Variants in ACKR3 observed in about 807,000 individuals in gnomAD.
ACKR3 encodes the protein C-X-C chemokine receptor type 7.
In ACKR3, 6 loss-of-function variants were observed where a neutral mutation model predicts 22.4. The observed-to-expected ratio is 0.27, with a 90% confidence interval of 0.15 to 0.53. The LOEUF (loss-of-function observed/expected upper bound fraction) is 0.53. Among genes scored for constraint, ACKR3 ranks in the 20% least tolerant of loss-of-function variants. ACKR3 has a pLI of 0.96. For synonymous variants in ACKR3, 209 were observed against 205.2 expected (o/e 1.02, Z -0.16); for missense variants, 396 against 475.2 (o/e 0.83, Z 1.55).
chr2:236,566,968 TTCTTTCC>T, upstream of ACKR3, among the ~76,000 whole-genome samples: 1 of 150,542 alleles, frequency 6.6e-6, no homozygotes, highest in African/African-American at 2.5e-5. Context: ...CCTTCCTTCC[TTCTTTCC>T]TTCCTTCCTA....
At chr2:236,573,637 G>A (rs1011845837) in intron 1 of ACKR3, among the ~76,000 whole-genome samples, 9 of 152,320 alleles carry the variant, frequency 5.9e-5, no homozygotes, top group Admixed American at 5.9e-4. Flanking sequence ...AGCTGGTCCC[G>A]GGGCCCCAGG....
the ACKR3 span, among the ~76,000 whole-genome samples, chr2:236,549,931 C>T: frequency 7.9e-5 from 12 of 152,130 alleles, no homozygotes; most frequent in East Asian, 1.9e-4. The surrounding 1 kb of genome is among the most constrained non-coding windows in gnomAD (Gnocchi z 5.3). Context: ...TCTAATGTGA[C>T]GGAGGGAATT....
At chr2:236,578,753 G>A (rs1257274307) in intron 1 of ACKR3, among the ~76,000 whole-genome samples, 1 of 152,208 alleles carries the variant, frequency 6.6e-6, no homozygotes, top group Admixed American at 6.5e-5. Context: ...TCCCAAAGGA[G>A]AAGCCCATCA....
the ACKR3 span, among the ~76,000 whole-genome samples, chr2:236,537,892 C>A: frequency 6.6e-6 from 1 of 152,086 alleles, no homozygotes; most frequent in African/African-American, 2.4e-5. Context: ...CTCTTTCAAG[C>A]AAGCAAGCAA....
At chr2:236,539,317 T>G in the ACKR3 span, among the ~76,000 whole-genome samples, 3 of 145,422 alleles carry the variant, frequency 2.1e-5, no homozygotes, top group Non-Finnish European at 4.5e-5. Flanking sequence ...TTTTTTTTTT[T>G]TTTTTTTGTT....
the ACKR3 span, among the ~76,000 whole-genome samples, chr2:236,546,459 T>C: frequency 6.6e-6 from 1 of 152,220 alleles, no homozygotes; most frequent in African/African-American, 2.4e-5. The surrounding 1 kb of genome is among the most constrained non-coding windows in gnomAD (Gnocchi z 4.9). Context: ...ATAAAATTTG[T>C]TGTCAGTTTT....
chr2:236,541,446 T>G, the ACKR3 span, among the ~76,000 whole-genome samples: 4 of 152,222 alleles, frequency 2.6e-5, no homozygotes. Flanking sequence ...CTTTCTCTCC[T>G]TCTCAGAAAT....
rs537952167 is a variant in ACKR3, at chr2:236,577,173, G to A, written c.-26-3267G>A. 3.3e-5 allele frequency among the ~76,000 whole-genome samples: 5 copies of A among 152,238 alleles called. No individual in the cohort carries two copies. The highest frequency in any genetic ancestry group is 4.8e-5 in the African/African-American group (2 of 41,538). On this transcript the variant is annotated intron_variant, in intron 1 of 1. Transcript: ENST00000272928. The surrounding 1 kb of genome is among the most constrained non-coding windows in gnomAD (Gnocchi z 5.6). The stretch of plus-strand genomic sequence containing the variant: ...GAGTGATGATAGGTGGCCGGTGATC[G>A]GTGGGGCAGTGAGGAGCTCCAGCCT...
At chr2:236,570,252 A>G (rs1278913946) in intron 1 of ACKR3, among the ~76,000 whole-genome samples, 4 of 152,216 alleles carry the variant, frequency 2.6e-5, no homozygotes, top group Non-Finnish European at 4.4e-5. Context: ...GAACTTTGCA[A>G]GAACACAGAC....
At chr2:236,543,472 C>T in the ACKR3 span, among the ~76,000 whole-genome samples, 1 of 152,162 alleles carries the variant, frequency 6.6e-6, no homozygotes, top group African/African-American at 2.4e-5. Flanking sequence ...TTTACCCACA[C>T]TGAGAGTATA....
Position 236,580,652 on chromosome 2 carries a change from T to C in ACKR3, c.187T>C (p.Ser63Pro). ...FIFVIGMIAN[S>P]VVVWVNIQAK... ...CTTCGTCATCGGCATGATTGCCAACTCCGTGGTGGTCTGGGTGAATATCCA... is the reference window on the plus strand; with the variant it reads ...CTTCGTCATCGGCATGATTGCCAACCCCGTGGTGGTCTGGGTGAATATCCA... The change falls in exon 2 of 2, where the codon TCC (serine) becomes CCC (proline). Residue 63 changes from serine (S) to proline (P), a missense_variant. Physicochemically the swap from Ser to Pro is moderately conservative, Grantham distance 74. Coordinates refer to ENST00000272928, the MANE Select transcript of ACKR3 (RefSeq NM_020311.3). 10 of 1,614,104 alleles carry C rather than the reference T, an allele frequency of 6.2e-6. No homozygotes were observed. The highest frequency in any genetic ancestry group is 7.6e-6 in the Non-Finnish European group (9 of 1,179,968).
At chr2:236,563,471 A>T (rs1306213100), upstream of ACKR3, among the ~76,000 whole-genome samples, 1 of 152,222 alleles carries the variant, frequency 6.6e-6, no homozygotes, top group Non-Finnish European at 1.5e-5. Flanking sequence ...AGTAACTAGG[A>T]TGGGAAGATT....
At chr2:236,566,718 CCCTTCCTTCCTTCCTT>C (rs747184505), upstream of ACKR3, among the ~76,000 whole-genome samples, 12 of 114,568 alleles carry the variant, frequency 1.0e-4, no homozygotes, top group East Asian at 7.9e-4. Context: ...TCCTTTCCTT[CCCTTCCTTCCTTCCTT>C]CCTTCCTTCC....
chr2:236,539,087 G>C, the ACKR3 span, among the ~76,000 whole-genome samples: 19 of 152,130 alleles, frequency 1.2e-4, no homozygotes, highest in African/African-American at 4.6e-4. Flanking sequence ...CCCTGTTGCT[G>C]CCTCTATTGT....
chr2:236,548,351 C>G, the ACKR3 span, among the ~76,000 whole-genome samples: 1 of 152,208 alleles, frequency 6.6e-6, no homozygotes, highest in Non-Finnish European at 1.5e-5. The surrounding 1 kb of genome is among the most constrained non-coding windows in gnomAD (Gnocchi z 4.3). Flanking sequence ...TGAAGGCCTA[C>G]TTTAAACTGA....
At chr2:236,554,693 CA>C in the ACKR3 span, among the ~76,000 whole-genome samples, 1 of 152,168 alleles carries the variant, frequency 6.6e-6, no homozygotes, top group South Asian at 2.1e-4. Flanking sequence ...GTCTGGCTGC[CA>C]TGCTCTGGGA....
rs958531454 is a variant in ACKR3, at chr2:236,580,634, A to G, written c.169A>G (p.Ile57Val). ...CTTCATTTACATTTTCATCTTCGTC[A>G]TCGGCATGATTGCCAACTCCGTGGT... ...LSFIYIFIFV[I>V]GMIANSVVVW... Residue 57 changes from isoleucine (I) to valine (V), a missense_variant, in exon 2 of 2, where the codon ATC becomes GTC. Physicochemically the swap from Ile to Val is conservative, Grantham distance 29 (BLOSUM62 3). Transcript: ENST00000272928. The G allele has an allele frequency of 5.6e-6, 9 of 1,613,832 alleles. No homozygotes were observed. In the African/African-American group the frequency reaches 9.3e-5, roughly 17 times the overall value.
intron 1 of ACKR3, among the ~76,000 whole-genome samples, chr2:236,579,836 AT>A (rs1255374132): frequency 6.6e-6 from 1 of 152,230 alleles, no homozygotes; most frequent in African/African-American, 2.4e-5. Context: ...CAGAGGCTTT[AT>A]GACTGCACAC....
the ACKR3 span, among the ~76,000 whole-genome samples, chr2:236,556,619 A>G: frequency 6.6e-6 from 1 of 152,370 alleles, no homozygotes; most frequent in East Asian, 1.9e-4. Flanking sequence ...CTCCAGAAGG[A>G]AGGCAGCCCT....
Sources: gnomAD v4.1 joint callset for allele counts (sites outside exome capture counted in the v4.1 genomes callset) on GRCh38, gnomAD v4.1.1 for gene constraint, Gnocchi (gnomAD v3.1) non-coding constraint, MANE v1.5 for transcripts, NCBI Gene and HGNC (gene_info 2026-07-23, HGNC 2026-07-21) for gene names.